The following PDE10A variants were observed in gnomAD, a reference collection of about 807,000 sequenced individuals.
The protein encoded by PDE10A is phosphodiesterase 10A, also known as cAMP and cAMP-inhibited cGMP 3',5'-cyclic phosphodiesterase 10A.
In PDE10A, 39 loss-of-function variants were observed where a neutral mutation model predicts 97.7. The ratio of observed to expected loss-of-function variants is 0.40; its 90% CI spans 0.31 to 0.52. The LOEUF (loss-of-function observed/expected upper bound fraction) is 0.52, where lower values mean the gene tolerates loss of function less well. Ranked by LOEUF, PDE10A falls within the 20% of genes least tolerant of loss-of-function variation. PDE10A has a pLI of 0.56. For synonymous variants in PDE10A, 371 were observed against 376.8 expected (o/e 0.98, Z 0.18); for missense variants, 731 against 1,047.8 (o/e 0.70, Z 4.17).
At chr6:165,705,867 G>T (rs548274017) in intron 1 of PDE10A, among the ~76,000 whole-genome samples, 11 of 152,308 alleles carry the variant, frequency 7.2e-5, no homozygotes. Flanking sequence ...AAAGAGCTAA[G>T]ATTGCTTTTA....
At chr6:165,942,577 G>T (rs561773989) in intron 1 of PDE10A, among the ~76,000 whole-genome samples, 2 of 152,172 alleles carry the variant, frequency 1.3e-5, no homozygotes, top group East Asian at 3.9e-4. Context: ...CTCTGCCCCC[G>T]CTCTGCCCCG....
chr6:165,418,593 C>T lies in PDE10A; in HGVS notation c.1796+42G>A, dbSNP rs1030138421. On this transcript the variant is annotated intron_variant, in intron 11 of 21. Transcript: ENST00000539869. The surrounding 1 kb of genome is among the most constrained non-coding windows in gnomAD (Gnocchi z 4.8). Reference sequence around the variant, plus strand: ...AAAAATGGGTAACGGAACGCCTGCACATCTACCGTAAGAGGATAGGACATT... The same window carrying T: ...AAAAATGGGTAACGGAACGCCTGCATATCTACCGTAAGAGGATAGGACATT... 1.3e-6 allele frequency: 2 copies of T among 1,587,070 alleles called. No individual in the cohort carries two copies. The highest frequency in any genetic ancestry group is 1.7e-6 in the Non-Finnish European group (2 of 1,165,220).
intron 3 of PDE10A, among the ~76,000 whole-genome samples, chr6:165,458,469 CATCACCTTG>C (rs957591538): frequency 6.6e-6 from 1 of 152,108 alleles, no homozygotes; most frequent in African/African-American, 2.4e-5. Flanking sequence ...CCGAATGTGC[CATCACCTTG>C]ATCTTGAACT....
intron 2 of PDE10A, among the ~76,000 whole-genome samples, chr6:165,511,192 G>T (rs1719467947): frequency 6.6e-6 from 1 of 151,844 alleles, no homozygotes; most frequent in Admixed American, 6.6e-5. Context: ...TACTGCTTTT[G>T]CTGTATACGA....
At chr6:165,800,716 G>A (rs907352278) in intron 1 of PDE10A, among the ~76,000 whole-genome samples, 6 of 152,228 alleles carry the variant, frequency 3.9e-5, no homozygotes, top group African/African-American at 1.2e-4. Flanking sequence ...ACCATCAATC[G>A]ATGGGCAAGG....
intron 1 of PDE10A, among the ~76,000 whole-genome samples, chr6:165,803,351 G>A (rs781534162): frequency 1.2e-4 from 19 of 152,082 alleles, no homozygotes; most frequent in African/African-American, 4.6e-4. Context: ...GTATATTTCT[G>A]GCCCAGAACT....
At chr6:165,987,991 G>A, upstream of PDE10A, 1 of 404,116 alleles carries the variant, frequency 2.5e-6, no homozygotes, top group Non-Finnish European at 5.0e-6. Flanking sequence ...GTGTGTGTGT[G>A]TGTGTCCGAG....
intron 2 of PDE10A, among the ~76,000 whole-genome samples, chr6:165,517,032 A>G (rs1480743491): frequency 3.9e-5 from 6 of 152,150 alleles, no homozygotes; most frequent in Non-Finnish European, 2.9e-5. Context: ...AAATCTCATT[A>G]AACACATTAC....
At chr6:165,700,206 C>G (rs1208470434) in intron 1 of PDE10A, among the ~76,000 whole-genome samples, 1 of 151,930 alleles carries the variant, frequency 6.6e-6, no homozygotes, top group Non-Finnish European at 1.5e-5. Flanking sequence ...CACAAGAGAC[C>G]ACATACTGGA....
chr6:165,573,167 C>T lies in PDE10A; in HGVS notation c.866-29599G>A, dbSNP rs550354871. 3.2e-4 allele frequency among the ~76,000 whole-genome samples: 49 copies of T among 152,044 alleles called. No homozygotes were observed. The South Asian group carries it at 9.4e-3, about 29-fold the overall frequency. The stretch of plus-strand genomic sequence containing the variant: ...TTGTAATTATCTTCATTCTTTAGGA[C>T]TTCATAAGGAGCCATTAAAATAGTT... On this transcript the variant is annotated intron_variant, in intron 1 of 21. Coordinates refer to ENST00000539869, the MANE Select transcript of PDE10A (RefSeq NM_001385079.1).
intron 18 of PDE10A, among the ~76,000 whole-genome samples, chr6:165,350,074 G>A (rs1782596550): frequency 1.3e-5 from 2 of 152,216 alleles, no homozygotes; most frequent in Admixed American, 1.3e-4. Flanking sequence ...GCCTTGTGGA[G>A]CTGTGAGAAG....
chr6:165,914,364 G>A (rs1000985820), intron 1 of PDE10A, among the ~76,000 whole-genome samples: 1 of 152,162 alleles, frequency 6.6e-6, no homozygotes, highest in Non-Finnish European at 1.5e-5. Flanking sequence ...AGCTTCATTG[G>A]GAGTTATGAG....
In PDE10A at chr6:165,513,137, GAC is replaced by G. The variant is rs1409041890; in HGVS notation, c.994+30301_994+30302del. Among the ~76,000 whole-genome samples, 9 of 152,028 alleles carry G rather than the reference GAC, an allele frequency of 5.9e-5. No homozygotes were observed. In the East Asian group the frequency reaches 1.7e-3, roughly 29 times the overall value. On this transcript the variant is annotated intron_variant, in intron 2 of 21. Coordinates refer to ENST00000539869, the MANE Select transcript of PDE10A (RefSeq NM_001385079.1). ...CATATAAGAACTTTACCCCACCAAA[GAC>G]CATACTTTTTTCTAAGAAATTTTAG...
At chr6:165,877,782 G>T (rs2461733) in intron 1 of PDE10A, among the ~76,000 whole-genome samples, 117,026 of 152,102 alleles carry the variant, frequency 0.77, 45,250 homozygotes, top group East Asian at 0.96. Flanking sequence ...CGAAGAGCTT[G>T]CTATTGTCCA....
intron 1 of PDE10A, chr6:165,910,708 C>G (rs1328486386): frequency 9.5e-6 from 1 of 105,394 alleles, no homozygotes; most frequent in Non-Finnish European, 2.0e-5. Context: ...GTTAAAAATG[C>G]AAAATATCCA....
chr6:165,847,424 C>T lies in PDE10A; in HGVS notation c.-615+140105G>A, dbSNP rs151333750. 2.0e-4 allele frequency among the ~76,000 whole-genome samples: 31 copies of T among 152,376 alleles called. No homozygotes were observed. In the East Asian group the frequency reaches 5.4e-3, roughly 27 times the overall value. On this transcript the variant is annotated intron_variant, in intron 1 of 19. Coordinates refer to the PDE10A transcript ENST00000366882. ...GAACATTTCTCTGCATTGTTTAACA[C>T]AGGACACAGACAACGCTTCCACGGC...
intron 1 of PDE10A, among the ~76,000 whole-genome samples, chr6:165,559,969 G>C (rs1043836634): frequency 1.3e-5 from 2 of 152,102 alleles, no homozygotes; most frequent in Admixed American, 6.5e-5. Flanking sequence ...TTTCTTCCCA[G>C]TCTCAGGTAT....
chr6:165,815,145 G>T (rs1346592444), intron 1 of PDE10A, among the ~76,000 whole-genome samples: 1 of 152,128 alleles, frequency 6.6e-6, no homozygotes, highest in East Asian at 1.9e-4. Flanking sequence ...CATCATGCAC[G>T]CCAGTGCCCT....
chr6:165,751,202 C>T lies in PDE10A; in HGVS notation c.-614-207634G>A, dbSNP rs536240276. Among the ~76,000 whole-genome samples, 44 of 152,302 alleles carry T rather than the reference C, an allele frequency of 2.9e-4. 1 individual carries two copies. The highest frequency in any genetic ancestry group is 3.4e-3 in the Middle Eastern group (1 of 294). ...ACCAAGCACCTTTCCCACTGGCCTT[C>T]GGTGTTTTCTGCAGGCCCAGTTATA... On this transcript the variant is annotated intron_variant, in intron 1 of 19. Transcript: ENST00000366882.
Sources: gnomAD v4.1 joint callset for allele counts (sites outside exome capture counted in the v4.1 genomes callset) on GRCh38, gnomAD v4.1.1 for gene constraint, Gnocchi (gnomAD v3.1) non-coding constraint, MANE v1.5 for transcripts, NCBI Gene and HGNC (gene_info 2026-07-23, HGNC 2026-07-21) for gene names.